The following C8orf34 variants were observed in gnomAD, a reference collection of about 807,000 sequenced individuals.
C8orf34 encodes the protein chromosome 8 open reading frame 34.
In C8orf34, 65 loss-of-function variants were observed where a neutral mutation model predicts 68.3. That is an observed-to-expected ratio of 0.95 (90% CI 0.78 to 1.17). The LOEUF is 1.17. Among genes scored for constraint, C8orf34 ranks in the 50% most tolerant of loss-of-function variants. C8orf34 has a pLI of 0.00. For synonymous variants in C8orf34, 244 were observed against 241.2 expected (o/e 1.01, Z -0.11); for missense variants, 664 against 655.4 (o/e 1.01, Z -0.14).
At chr8:68,577,900 A>G (rs1816952484) in intron 7 of C8orf34, among the ~76,000 whole-genome samples, 2 of 151,926 alleles carry the variant, frequency 1.3e-5, no homozygotes, top group South Asian at 2.1e-4. Flanking sequence ...AACACGAAAA[A>G]AAAAATGCTG....
chr8:68,428,585 CAG>C (rs1810326552), intron 1 of C8orf34, among the ~76,000 whole-genome samples: 1 of 151,646 alleles, frequency 6.6e-6, no homozygotes, highest in South Asian at 2.1e-4. Context: ...TGAGAGAAAA[CAG>C]AAAAAATTTC....
intron 11 of C8orf34, among the ~76,000 whole-genome samples, chr8:68,777,478 GA>G (rs1823553442): frequency 6.6e-6 from 1 of 152,234 alleles, no homozygotes; most frequent in South Asian, 2.1e-4. Context: ...AATGTGGCAA[GA>G]AGGTGGAGAA....
At chr8:68,623,411 C>T (rs1488970608) in intron 7 of C8orf34, among the ~76,000 whole-genome samples, 1 of 152,068 alleles carries the variant, frequency 6.6e-6, no homozygotes, top group Admixed American at 6.5e-5. Flanking sequence ...CACTCCCCAC[C>T]CCACCCTCAG....
chr8:68,607,642 G>A (rs534513266), intron 7 of C8orf34, among the ~76,000 whole-genome samples: 10 of 152,154 alleles, frequency 6.6e-5, no homozygotes, highest in East Asian at 5.8e-4. Flanking sequence ...CCTACTTGAC[G>A]TTCACTTTGA....
Position 68,721,362 on chromosome 8 carries a change from T to A in C8orf34, c.1329T>A (p.Asp443Glu). Residue 443 changes from aspartate (D) to glutamate (E), a missense_variant and splice_region_variant, in exon 10 of 14, where the codon GAT becomes GAA. Transcript: ENST00000518698. ...SPDEKIPDSF[D>E]SLPGTEEALM... ...TTCATTTTTTAAAAATAAAAATAGA[T>A]TCCTTGCCTGGGACTGAAGAAGCAC... is the stretch of plus-strand genomic sequence containing the variant. 6.3e-7 allele frequency: 1 copy of A among 1,599,058 alleles called. No homozygotes were observed. The highest frequency in any genetic ancestry group is 8.6e-7 in the Non-Finnish European group (1 of 1,169,460).
intron 1 of C8orf34, among the ~76,000 whole-genome samples, chr8:68,420,965 G>A (rs529576941): frequency 2.2e-4 from 34 of 152,104 alleles, no homozygotes; most frequent in Middle Eastern, 3.5e-3. Flanking sequence ...CCCAGAAGTA[G>A]AAAGCAAAGA....
intron 5 of C8orf34, among the ~76,000 whole-genome samples, chr8:68,496,633 C>CA (rs1813536419): frequency 6.6e-6 from 1 of 152,188 alleles, no homozygotes; most frequent in Admixed American, 6.5e-5. Flanking sequence ...ATGGAAGGGG[C>CA]AAAATCTTAA....
At chr8:68,685,629 G>A (rs1336972302) in intron 8 of C8orf34, among the ~76,000 whole-genome samples, 25 of 152,068 alleles carry the variant, frequency 1.6e-4, no homozygotes, top group Non-Finnish European at 2.6e-4. Flanking sequence ...GCCAAGGCAG[G>A]TGGATTGCTT....
intron 7 of C8orf34, among the ~76,000 whole-genome samples, chr8:68,594,257 A>G (rs1817478549): frequency 6.6e-6 from 1 of 152,006 alleles, no homozygotes; most frequent in African/African-American, 2.4e-5. Context: ...GGATATCTGC[A>G]TTTATCTAAC....
chr8:68,791,956 A>G (rs1294568026), intron 12 of C8orf34: 3 of 152,230 alleles, frequency 2.0e-5, no homozygotes, highest in Non-Finnish European at 4.4e-5. Context: ...TCAAACTCTC[A>G]GCTCTGTACT....
chr8:68,808,981 C>T (rs1416414188), intron 12 of C8orf34, among the ~76,000 whole-genome samples: 2 of 151,826 alleles, frequency 1.3e-5, no homozygotes, highest in Non-Finnish European at 2.9e-5. Context: ...TACACATCTG[C>T]CACTTAACTT....
At chr8:68,704,499 A>T (rs1821108686) in intron 8 of C8orf34, among the ~76,000 whole-genome samples, 1 of 152,198 alleles carries the variant, frequency 6.6e-6, no homozygotes, top group African/African-American at 2.4e-5. Flanking sequence ...TATGCAATAT[A>T]GAGACTCAAA....
intron 6 of C8orf34, among the ~76,000 whole-genome samples, chr8:68,522,422 CTTAG>C (rs1814796128): frequency 1.3e-5 from 2 of 152,098 alleles, no homozygotes; most frequent in Non-Finnish European, 2.9e-5. Context: ...AAAGAGAAGC[CTTAG>C]TTAGAACCAT....
chr8:68,634,158 C>T (rs1482566695), intron 7 of C8orf34, among the ~76,000 whole-genome samples: 1 of 152,154 alleles, frequency 6.6e-6, no homozygotes, highest in Non-Finnish European at 1.5e-5. Flanking sequence ...ACAGAATTCT[C>T]TCTGTCTCAA....
intron 1 of C8orf34, among the ~76,000 whole-genome samples, chr8:68,375,809 G>T (rs1163728013): frequency 6.6e-6 from 1 of 152,186 alleles, no homozygotes; most frequent in South Asian, 2.1e-4. Flanking sequence ...TAGGTGTTTT[G>T]TGGTACCAAA....
chr8:68,608,750 T>TG (rs1408403077), intron 7 of C8orf34, among the ~76,000 whole-genome samples: 5 of 151,786 alleles, frequency 3.3e-5, no homozygotes, highest in Non-Finnish European at 4.4e-5. Flanking sequence ...ATAGGTCTGA[T>TG]GGGGGGGATG....
At chr8:68,815,087 T>C (rs1044165608) in intron 12 of C8orf34, among the ~76,000 whole-genome samples, 1 of 152,132 alleles carries the variant, frequency 6.6e-6, no homozygotes, top group African/African-American at 2.4e-5. Context: ...CTGTGGAAAA[T>C]TTGGACTTAA....
intron 8 of C8orf34, among the ~76,000 whole-genome samples, chr8:68,691,205 A>G (rs1820675824): frequency 6.6e-6 from 1 of 151,974 alleles, no homozygotes; most frequent in Non-Finnish European, 1.5e-5. Flanking sequence ...TTGTTTGCAA[A>G]TTGAAGGTTT....
chr8:68,593,587 G>A (rs912702360), intron 7 of C8orf34, among the ~76,000 whole-genome samples: 7 of 151,622 alleles, frequency 4.6e-5, no homozygotes, highest in Non-Finnish European at 1.5e-5. Context: ...TTTCACTGGT[G>A]GTGTATATTT....
Sources: allele counts gnomAD v4.1 joint callset (sites outside exome capture counted in the v4.1 genomes callset), GRCh38; gene constraint gnomAD v4.1.1; transcripts MANE v1.5; gene names NCBI Gene and HGNC (gene_info 2026-07-23, HGNC 2026-07-21).